The following PDE1C variants were observed in gnomAD, a reference collection of about 807,000 sequenced individuals.
PDE1C encodes the protein phosphodiesterase 1C.
In PDE1C, 62 loss-of-function variants were observed where a neutral mutation model predicts 93.1. That is an observed-to-expected ratio of 0.67 (90% CI 0.54 to 0.82). PDE1C has a LOEUF of 0.82. Ranked by LOEUF, PDE1C falls within the 40% of genes least tolerant of loss-of-function variation. PDE1C has a pLI of 0.00. For missense variants in PDE1C, 742 were observed against 884.6 expected, an observed-to-expected ratio of 0.84 and a Z score of 2.04; for synonymous variants, 325 against 310.1, an observed-to-expected ratio of 1.05 and a Z score of -0.50.
At chr7:32,245,103 G>A (rs1808828294) in intron 1 of PDE1C, among the ~76,000 whole-genome samples, 1 of 152,166 alleles carries the variant, frequency 6.6e-6, no homozygotes, top group South Asian at 2.1e-4. Flanking sequence ...GACCCCCAAA[G>A]CCATGCTCTT....
chr7:32,136,531 G>C (rs756123286), intron 3 of PDE1C, among the ~76,000 whole-genome samples: 8 of 97,842 alleles, frequency 8.2e-5, no homozygotes, highest in Non-Finnish European at 1.9e-4. Flanking sequence ...TGTGCCCAGA[G>C]TGTCTAGCAC....
chr7:31,670,556 T>C, the PDE1C span, among the ~76,000 whole-genome samples: 1 of 152,144 alleles, frequency 6.6e-6, no homozygotes, highest in South Asian at 2.1e-4. Context: ...AATTATAGCT[T>C]GGATTCTAAA....
the PDE1C span, among the ~76,000 whole-genome samples, chr7:31,671,217 G>A: frequency 1.3e-5 from 2 of 152,198 alleles, no homozygotes; most frequent in Admixed American, 1.3e-4. Context: ...AACTGAAGGA[G>A]CACTGACTAT....
At chr7:31,681,612 T>C in the PDE1C span, among the ~76,000 whole-genome samples, 1 of 152,188 alleles carries the variant, frequency 6.6e-6, no homozygotes. Context: ...CGTCTGTCTC[T>C]CTCATTTCCA....
At position 32,186,640 on chromosome 7, in the gene PDE1C, C is replaced by T. The variant is rs1422988293; in HGVS notation, c.137-16684G>A. 8.6e-5 allele frequency among the ~76,000 whole-genome samples: 13 copies of T among 151,584 alleles called. No homozygotes were observed. In the East Asian group the frequency reaches 2.3e-3, roughly 27 times the overall value. ...AATATAGTCATTATATGGATAGTTA[C>T]ATAATATGTAATTAATTAATGTAAT... is the stretch of plus-strand genomic sequence containing the variant. On this transcript the variant is annotated intron_variant, in intron 2 of 18. Coordinates refer to the PDE1C transcript ENST00000396193.
chr7:31,783,445 T>C (rs1783601098), intron 16 of PDE1C: 1 of 152,160 alleles, frequency 6.6e-6, no homozygotes, highest in African/African-American at 2.4e-5. Context: ...TGGACAGCTC[T>C]ATATCTGAGA....
chr7:32,341,320 C>A (rs1002311084), intron 1 of PDE1C, among the ~76,000 whole-genome samples: 1 of 148,904 alleles, frequency 6.7e-6, no homozygotes, highest in Admixed American at 6.7e-5. Flanking sequence ...GGACTACAGG[C>A]GCCCGCTACC....
At chr7:32,162,439 G>T (rs1801980148) in intron 3 of PDE1C, among the ~76,000 whole-genome samples, 1 of 152,160 alleles carries the variant, frequency 6.6e-6, no homozygotes, top group South Asian at 2.1e-4. Flanking sequence ...TACAAGAAAT[G>T]TATTGGAGTA....
Position 32,403,140 on chromosome 7 carries a change from A to T in PDE1C, c.310+24682T>A, listed in dbSNP as rs1303930257. ...CATGATCATCCCACGAATTTCTAAA[A>T]GCATTTCAGTTCTCCATGGAGGACA... On this transcript the variant is annotated intron_variant, in intron 1 of 1. Transcript: ENST00000672256. 3.3e-5 allele frequency among the ~76,000 whole-genome samples: 5 copies of T among 152,184 alleles called. No homozygotes were observed. The East Asian group carries it at 9.6e-4, about 29-fold the overall frequency.
intron 2 of PDE1C, among the ~76,000 whole-genome samples, chr7:31,912,303 G>A (rs1801336366): frequency 6.6e-6 from 1 of 152,122 alleles, no homozygotes; most frequent in South Asian, 2.1e-4. Flanking sequence ...TTAACATACA[G>A]ATGTCTTTTC....
intron 11 of PDE1C, among the ~76,000 whole-genome samples, chr7:31,836,655 AAC>A (rs1412979473): frequency 6.6e-6 from 1 of 152,156 alleles, no homozygotes; most frequent in Non-Finnish European, 1.5e-5. Flanking sequence ...TCTTATAGAC[AAC>A]ACAACTCTGG....
the PDE1C span, among the ~76,000 whole-genome samples, chr7:31,617,147 G>T: frequency 2.0e-5 from 3 of 152,164 alleles, no homozygotes; most frequent in Admixed American, 2.0e-4. Context: ...TTCAGTTTTT[G>T]AAGCATTTGC....
intron 3 of PDE1C, among the ~76,000 whole-genome samples, chr7:32,085,272 C>T (rs1406223030): frequency 2.5e-4 from 35 of 138,008 alleles, no homozygotes; most frequent in African/African-American, 6.0e-4. Flanking sequence ...ATAAATTCCT[C>T]GACACATACA....
At chr7:31,878,791 C>A (rs952720573) in intron 4 of PDE1C, among the ~76,000 whole-genome samples, 1 of 152,086 alleles carries the variant, frequency 6.6e-6, no homozygotes, top group Admixed American at 6.5e-5. Flanking sequence ...AAATTCTGAG[C>A]AAAAGCAAAA....
chr7:32,080,861 C>T (rs1292237068), intron 3 of PDE1C, among the ~76,000 whole-genome samples: 1 of 152,148 alleles, frequency 6.6e-6, no homozygotes, highest in African/African-American at 2.4e-5. Flanking sequence ...AAAAAAGACC[C>T]TGAAGGCACT....
At chr7:32,368,625 C>T (rs1784268385) in intron 1 of PDE1C, among the ~76,000 whole-genome samples, 1 of 152,154 alleles carries the variant, frequency 6.6e-6, no homozygotes, top group Admixed American at 6.5e-5. Flanking sequence ...ATACCAATAA[C>T]ATTCCTCACA....
At chr7:32,001,242 C>A (rs1226111257) in intron 2 of PDE1C, among the ~76,000 whole-genome samples, 1 of 152,160 alleles carries the variant, frequency 6.6e-6, no homozygotes, top group Non-Finnish European at 1.5e-5. Context: ...ACTTACTGCA[C>A]TTTTGTATGC....
chr7:31,930,508 C>T (rs192770345), intron 2 of PDE1C, among the ~76,000 whole-genome samples: 2,011 of 152,160 alleles, frequency 0.013, 21 homozygotes, highest in Non-Finnish European at 0.021. Context: ...CAAAAATCCT[C>T]AATAAAATAC....
chr7:31,915,731 C>T (rs1051768141), intron 2 of PDE1C, among the ~76,000 whole-genome samples: 2 of 151,950 alleles, frequency 1.3e-5, no homozygotes, highest in Non-Finnish European at 1.5e-5. Context: ...ATAACACATG[C>T]TTATGTAAAT....
Sources: gnomAD v4.1 joint callset for allele counts (sites outside exome capture counted in the v4.1 genomes callset) on GRCh38, gnomAD v4.1.1 for gene constraint, MANE v1.5 for transcripts, NCBI Gene and HGNC (gene_info 2026-07-23, HGNC 2026-07-21) for gene names.